The following SQOR variants were observed in gnomAD, a reference collection of about 807,000 sequenced individuals.
The protein encoded by SQOR is sulfide:quinone oxidoreductase, mitochondrial.
SQOR carries 39 observed loss-of-function variants against 48.6 expected under a neutral mutation model. The observed-to-expected ratio is 0.80, with a 90% CI of 0.62 to 1.05. SQOR has a LOEUF of 1.05. Ranked by LOEUF, SQOR falls within the 50% of genes least tolerant of loss-of-function variation. The pLI, the probability that SQOR is intolerant of heterozygous loss-of-function variation, is 0.00. For synonymous variants in SQOR, 220 were observed against 206.2 expected (o/e 1.07, Z -0.57); for missense variants, 561 against 559.9 (o/e 1.00, Z -0.02).
At chr15:45,664,388 T>C (rs1331446493) in intron 3 of SQOR, among the ~76,000 whole-genome samples, 9 of 152,172 alleles carry the variant, frequency 5.9e-5, no homozygotes, top group Non-Finnish European at 1.5e-5. Context: ...CTTCAGCTAT[T>C]TGAAGATGGC....
chr15:45,642,964 AT>A (rs1895132025), intron 1 of SQOR, among the ~76,000 whole-genome samples: 1 of 152,322 alleles, frequency 6.6e-6, no homozygotes, highest in South Asian at 2.1e-4. Flanking sequence ...AAATTAGCCC[AT>A]GTGAAACTGG....
intron 3 of SQOR, among the ~76,000 whole-genome samples, chr15:45,667,418 G>A (rs918825786): frequency 6.6e-6 from 1 of 152,078 alleles, no homozygotes; most frequent in African/African-American, 2.4e-5. Context: ...TACGTCTTCT[G>A]ACCCCTGTGT....
chr15:45,689,378 C>G (rs1294698646), intron 9 of SQOR, 161 bp downstream of exon 9: 1 of 581,832 alleles, frequency 1.7e-6, no homozygotes, highest in Non-Finnish European at 2.9e-6. Context: ...AATAGTAAAT[C>G]ACTTTCACAT....
rs111687738 is a variant in SQOR at position 45,645,330 on chromosome 15, A to G, written c.-18+10222A>G. 7.6e-3 allele frequency among the ~76,000 whole-genome samples: 1,152 copies of G among 152,306 alleles called. 7 individuals carry two copies. The highest frequency in any genetic ancestry group is 0.012 in the Non-Finnish European group (840 of 68,026). Reference sequence around the variant, plus strand: ...TTTCCAGATTTAGACCCGCCTTCTTAGAGTTTAAGTCAGAGGGTGTGATGG... The same window carrying G: ...TTTCCAGATTTAGACCCGCCTTCTTGGAGTTTAAGTCAGAGGGTGTGATGG... On this transcript the variant is annotated intron_variant, in intron 1 of 9. Transcript: ENST00000260324.
chr15:45,650,523 C>G (rs1007325662), intron 1 of SQOR, among the ~76,000 whole-genome samples: 1 of 152,108 alleles, frequency 6.6e-6, no homozygotes, highest in Non-Finnish European at 1.5e-5. Flanking sequence ...AGATTTATGG[C>G]AAAGAGCAAA....
chr15:45,664,496 G>A (rs767459532), intron 3 of SQOR, among the ~76,000 whole-genome samples: 7 of 151,600 alleles, frequency 4.6e-5, no homozygotes, highest in African/African-American at 1.7e-4. Flanking sequence ...AGTCCCCCCA[G>A]CCCCCTCTTT....
chr15:45,689,317 A>G (rs1305432897), intron 9 of SQOR, 100 bp downstream of exon 9: 2 of 1,203,076 alleles, frequency 1.7e-6, no homozygotes, highest in Admixed American at 2.2e-5. Context: ...GCAGTGACCA[A>G]GTGTTCTGTC....
rs1380936747 is a variant in SQOR, at chr15:45,676,082, G to C, written c.655-19G>C. 2 of 1,606,310 alleles carry C rather than the reference G, an allele frequency of 1.2e-6. No homozygotes were observed. The highest frequency in any genetic ancestry group is 1.7e-5 in the Admixed American group (1 of 58,572). On this transcript the variant is annotated intron_variant, in intron 5 of 9. Coordinates refer to ENST00000260324, the MANE Select transcript of SQOR (RefSeq NM_021199.4). ...CTGCAGTCATGCTTTGGTGTGAATG[G>C]TTTTCTTATTTTTCTCAGACAGGGA...
At chr15:45,678,393 A>T (rs1199877756) in intron 6 of SQOR, among the ~76,000 whole-genome samples, 1 of 152,190 alleles carries the variant, frequency 6.6e-6, no homozygotes, top group Non-Finnish European at 1.5e-5. Context: ...TTTGCTTCTT[A>T]GTTAATTAAC....
intron 3 of SQOR, among the ~76,000 whole-genome samples, chr15:45,669,499 A>G (rs1373141282): frequency 6.6e-6 from 1 of 152,170 alleles, no homozygotes; most frequent in Non-Finnish European, 1.5e-5. Flanking sequence ...TTGTCTTTTA[A>G]GATTAGGAAG....
At chr15:45,650,548 ACAACACG>A (rs1889462761) in intron 1 of SQOR, among the ~76,000 whole-genome samples, 1 of 150,162 alleles carries the variant, frequency 6.7e-6, no homozygotes, top group African/African-American at 2.5e-5. Flanking sequence ...GAAAGCATCC[ACAACACG>A]AAAGAGGACC....
At chr15:45,650,228 T>C (rs1889449670) in intron 1 of SQOR, among the ~76,000 whole-genome samples, 2 of 152,110 alleles carry the variant, frequency 1.3e-5, no homozygotes, top group Admixed American at 1.3e-4. Context: ...CCACCTCCAC[T>C]TCCTGGGCTG....
chr15:45,654,039 T>C (rs72715014), intron 1 of SQOR, among the ~76,000 whole-genome samples: 13,748 of 151,512 alleles, frequency 0.091, 751 homozygotes, highest in Middle Eastern at 0.21. Context: ...GGGAAATCGC[T>C]TGAACTCAGG....
chr15:45,643,256 T>C (rs749457461), intron 1 of SQOR, among the ~76,000 whole-genome samples: 8 of 152,172 alleles, frequency 5.3e-5, no homozygotes, highest in Non-Finnish European at 7.4e-5. Flanking sequence ...AGTGTAGTGG[T>C]GCGATCTCGG....
chr15:45,661,973 A>C lies in SQOR; in HGVS notation c.253A>C (p.Ile85Leu). Residue 85 changes from isoleucine to leucine, a missense_variant, in exon 3 of 10, where the codon ATC (isoleucine) becomes CTC (leucine). Coordinates refer to ENST00000260324, the MANE Select transcript of SQOR (RefSeq NM_021199.4). ...TTCTCAGAGACATTTCTACCAGCCAATCTGGACACTGGTGGGTGCTGGTGC... is the reference window on the plus strand; with the variant it reads ...TTCTCAGAGACATTTCTACCAGCCACTCTGGACACTGGTGGGTGCTGGTGC... Reference protein sequence around the residue: ...EPSERHFYQPIWTLVGAGAKQ... With the variant: ...EPSERHFYQPLWTLVGAGAKQ... The C allele has an allele frequency of 6.2e-7, 1 of 1,614,094 alleles. No individual in the cohort carries two copies. Among genetic ancestry groups the C allele is most frequent in the Non-Finnish European group, 8.5e-7 (1 of 1,179,996 alleles).
At chr15:45,676,633 T>G (rs1014003665) in intron 6 of SQOR, among the ~76,000 whole-genome samples, 1 of 152,196 alleles carries the variant, frequency 6.6e-6, no homozygotes, top group Non-Finnish European at 1.5e-5. Flanking sequence ...TTGGTTACTG[T>G]GTAGAGGTAA....
chr15:45,676,372 A>T, intron 6 of SQOR, 62 bp downstream of exon 6: 1 of 1,499,116 alleles, frequency 6.7e-7, no homozygotes, highest in Admixed American at 1.7e-5. Context: ...CCATAGATAC[A>T]TGGGGGCTCA....
In SQOR at chr15:45,655,769, C is replaced by T. The variant is rs117744209; in HGVS notation, c.-17-3138C>T. Among the ~76,000 whole-genome samples, 712 of 150,612 alleles carry T rather than the reference C, an allele frequency of 4.7e-3. 7 individuals are homozygous for T. Among genetic ancestry groups the T allele is most frequent in the Non-Finnish European group, 7.7e-3 (522 of 67,852 alleles). ...CGCAATCTTGGCTTACTGCAACCTT[C>T]GCCTCACGGGTTCAAGTGATTCCCC... On this transcript the variant is annotated intron_variant, in intron 1 of 9. Coordinates refer to ENST00000260324, the MANE Select transcript of SQOR (RefSeq NM_021199.4).
intron 1 of SQOR, among the ~76,000 whole-genome samples, chr15:45,651,652 G>C (rs2140943299): frequency 6.6e-6 from 1 of 152,290 alleles, no homozygotes; most frequent in South Asian, 2.1e-4. Context: ...ATTTTTGGTA[G>C]AGATGGGGTT....
Sources: allele counts gnomAD v4.1 joint callset (sites outside exome capture counted in the v4.1 genomes callset), GRCh38; gene constraint gnomAD v4.1.1; transcripts MANE v1.5; gene names NCBI Gene and HGNC (gene_info 2026-07-23, HGNC 2026-07-21).